Variants in ADAM12 observed in about 807,000 individuals in gnomAD.
ADAM12 encodes ADAM metallopeptidase domain 12.
Under a neutral mutation model 106.4 loss-of-function variants are expected in ADAM12, and 70 were observed. The observed-to-expected ratio is 0.66, with a 90% CI of 0.54 to 0.80. The LOEUF is 0.80. Among genes scored for constraint, ADAM12 ranks in the 30% least tolerant of loss-of-function variants. The pLI is 0.00. For synonymous variants in ADAM12, 420 were observed against 433.5 expected (o/e 0.97, Z 0.39); for missense variants, 1,010 against 1,171.9 (o/e 0.86, Z 2.02).
chr10:126,295,932 A>AAC (rs1028355107), intron 2 of ADAM12, among the ~76,000 whole-genome samples: 2 of 139,836 alleles, frequency 1.4e-5, no homozygotes, highest in East Asian at 2.1e-4. Flanking sequence ...CACACACATA[A>AAC]ACACACACAC....
At chr10:126,121,338 T>C (rs1458518118) in intron 5 of ADAM12, among the ~76,000 whole-genome samples, 1 of 121,446 alleles carries the variant, frequency 8.2e-6, no homozygotes, top group Non-Finnish European at 1.6e-5. Context: ...ATATATATTA[T>C]CTTACATGTA....
intron 3 of ADAM12, among the ~76,000 whole-genome samples, chr10:126,242,247 C>T (rs1309283235): frequency 1.3e-5 from 2 of 152,184 alleles, no homozygotes; most frequent in African/African-American, 2.4e-5. Flanking sequence ...TCTCCCCAGA[C>T]TCTGTCAAGT....
At chr10:126,265,025 G>A (rs1959071436) in intron 3 of ADAM12, among the ~76,000 whole-genome samples, 1 of 152,190 alleles carries the variant, frequency 6.6e-6, no homozygotes, top group Non-Finnish European at 1.5e-5. Flanking sequence ...ATGGTTCAAT[G>A]TGAAAATACA....
At chr10:126,356,848 C>T (rs11817791) in intron 1 of ADAM12, among the ~76,000 whole-genome samples, 6,165 of 151,968 alleles carry the variant, frequency 0.041, 424 homozygotes, top group African/African-American at 0.14. Context: ...TTTAAAAATG[C>T]AATAGAAAGC....
At chr10:126,106,722 G>A (rs74857090) in intron 8 of ADAM12, among the ~76,000 whole-genome samples, 1 of 152,010 alleles carries the variant, frequency 6.6e-6, no homozygotes, top group African/African-American at 2.4e-5. Context: ...TTGACCTCGT[G>A]ATCCGCCCGC....
intron 3 of ADAM12, among the ~76,000 whole-genome samples, chr10:126,161,715 G>C (rs1956938877): frequency 6.6e-6 from 1 of 152,144 alleles, no homozygotes; most frequent in South Asian, 2.1e-4. Context: ...TAAGATGTGT[G>C]CCTAATTTAA....
chr10:126,361,480 C>A (rs921296573), intron 1 of ADAM12, among the ~76,000 whole-genome samples: 1 of 152,082 alleles, frequency 6.6e-6, no homozygotes, highest in Non-Finnish European at 1.5e-5. Flanking sequence ...CTAGCCAAAG[C>A]AGTACTGAGC....
At chr10:126,070,362 C>T (rs1314621448) in intron 12 of ADAM12, 1 of 152,224 alleles carries the variant, frequency 6.6e-6, no homozygotes. Context: ...CATCACATCC[C>T]CCCTTACTCC....
At chr10:126,067,737 T>G (rs918640066) in intron 12 of ADAM12, among the ~76,000 whole-genome samples, 18 of 152,238 alleles carry the variant, frequency 1.2e-4, no homozygotes, top group Admixed American at 3.3e-4. Context: ...TCTTTAATAC[T>G]GAGTAATTTA....
At chr10:126,242,220 T>C (rs941654923) in intron 3 of ADAM12, among the ~76,000 whole-genome samples, 6 of 152,236 alleles carry the variant, frequency 3.9e-5, no homozygotes, top group Admixed American at 3.3e-4. Context: ...CCTAACACTT[T>C]AGTTTTAAGA....
intron 3 of ADAM12, among the ~76,000 whole-genome samples, chr10:126,238,565 T>C (rs11244898): frequency 0.034 from 5,113 of 152,266 alleles, 182 homozygotes; most frequent in African/African-American, 0.071. Flanking sequence ...CATTTTACTA[T>C]CTATATGCAT....
rs1230144870 is a variant in ADAM12 at position 126,019,786 on chromosome 10, C to T, written c.2569G>A (p.Ala857Thr). 3.0e-5 allele frequency: 49 copies of T among 1,613,962 alleles called. No homozygotes were observed. Among genetic ancestry groups the T allele is most frequent in the Non-Finnish European group, 4.1e-5 (48 of 1,179,978 alleles). Residue 857 changes from alanine (A) to threonine (T), a missense_variant, in exon 22 of 23, where the codon GCA becomes ACA. Physicochemically the swap from Ala to Thr is moderately conservative, Grantham distance 58 (BLOSUM62 0). Coordinates refer to ENST00000448723, the MANE Select transcript of ADAM12 (RefSeq NM_001288973.2). Reference protein sequence around the residue: ...KPNPPQKPLPADPLARTTRLT... With the variant: ...KPNPPQKPLPTDPLARTTRLT... ...CGAGTTGTTCTGGCCAGAGGATCTGCAGGCAGAGGCTTCTGAGGGGGGTTT... is the reference window on the plus strand; with the variant it reads ...CGAGTTGTTCTGGCCAGAGGATCTGTAGGCAGAGGCTTCTGAGGGGGGTTT...
Position 126,110,480 on chromosome 10 carries a change from G to GA in ADAM12, c.604-641dup, listed in dbSNP as rs112477742. 2.3e-3 allele frequency among the ~76,000 whole-genome samples: 331 copies of GA among 145,588 alleles called. 3 individuals carry two copies. The highest frequency in any genetic ancestry group is 6.9e-3 in the Middle Eastern group (2 of 288). On this transcript the variant is annotated intron_variant, in intron 6 of 22. Transcript: ENST00000448723. ...CAGAGAAGTGAGAAAGGTATGAGGA[G>GA]AAAAAAAAAAGAGCAAAGAGAAAGA...
intron 3 of ADAM12, among the ~76,000 whole-genome samples, chr10:126,248,421 T>A (rs1358865525): frequency 6.6e-6 from 1 of 152,182 alleles, no homozygotes; most frequent in Non-Finnish European, 1.5e-5. Context: ...CACTAAGTCA[T>A]GGCTGGGCCC....
intron 3 of ADAM12, among the ~76,000 whole-genome samples, chr10:126,230,802 A>G (rs1958295017): frequency 6.6e-6 from 1 of 152,186 alleles, no homozygotes; most frequent in Non-Finnish European, 1.5e-5. Flanking sequence ...CCATTGTATC[A>G]TGTGCTCCTT....
intron 22 of ADAM12, 63 bp downstream of exon 22, chr10:126,019,616 TGTCCTGGCTTGGATTA>T: frequency 6.5e-7 from 1 of 1,548,760 alleles, no homozygotes; most frequent in Non-Finnish European, 8.8e-7. Flanking sequence ...ACTGCACCCC[TGTCCTGGCTTGGATTA>T]GTCGTGGTTG....
At chr10:126,127,326 G>A (rs1253645396) in intron 5 of ADAM12, among the ~76,000 whole-genome samples, 9 of 152,192 alleles carry the variant, frequency 5.9e-5, no homozygotes, top group Non-Finnish European at 1.3e-4. Flanking sequence ...TGGCTTTACC[G>A]CCATTCCATG....
chr10:126,111,358 C>T (rs1235356382), intron 6 of ADAM12, among the ~76,000 whole-genome samples: 3 of 152,192 alleles, frequency 2.0e-5, no homozygotes, highest in Admixed American at 6.5e-5. Context: ...ATGGTGCCCA[C>T]GGGTGCACAC....
At chr10:126,122,499 C>T (rs151018881) in intron 5 of ADAM12, among the ~76,000 whole-genome samples, 3 of 152,284 alleles carry the variant, frequency 2.0e-5, no homozygotes, top group African/African-American at 4.8e-5. Context: ...CGGTGGCTCA[C>T]GCCTGTAATT....
Sources: allele counts gnomAD v4.1 joint callset (sites outside exome capture counted in the v4.1 genomes callset), GRCh38; gene constraint gnomAD v4.1.1; transcripts MANE v1.5; gene names NCBI Gene and HGNC (gene_info 2026-07-23, HGNC 2026-07-21).